Variants in CPXM2 observed in about 807,000 individuals in gnomAD.
The protein encoded by CPXM2 is carboxypeptidase X, M14 family member 2, also known as inactive carboxypeptidase-like protein X2.
A neutral mutation model predicts 86.1 loss-of-function variants in CPXM2; 66 were observed. That is an observed-to-expected ratio of 0.77 (90% CI 0.63 to 0.94). The LOEUF (loss-of-function observed/expected upper bound fraction) is 0.94. CPXM2 is among the 40% of genes least tolerant of loss of function. CPXM2 has a pLI of 0.00. For synonymous variants in CPXM2, 388 were observed against 400.2 expected (o/e 0.97, Z 0.36); for missense variants, 948 against 1,026.3 (o/e 0.92, Z 1.04).
chr10:123,754,564 GA>G lies in CPXM2; in HGVS notation c.2017+98del. The G allele has an allele frequency of 2.7e-6, 2 of 730,656 alleles. No homozygotes were observed. Among genetic ancestry groups the G allele is most frequent in the South Asian group, 3.2e-5 (2 of 61,582 alleles). 45.3% of individuals were successfully genotyped at this position (730,656 alleles called of 1,614,324 possible). A position where few individuals can be genotyped will look rare whatever the true frequency, so the allele number is the denominator to read the frequency against. On this transcript the variant is annotated intron_variant, in intron 13 of 13. Coordinates refer to ENST00000241305, the MANE Select transcript of CPXM2 (RefSeq NM_198148.3). The surrounding 1 kb of genome is among the most constrained non-coding windows in gnomAD (Gnocchi z 4.0). ...GAGACTGTAATTTGGCTCTGAGTAA[GA>G]CATTTCTGGCAGTCATTTCATGATT...
At chr10:123,944,005 C>A (rs993459511), upstream of CPXM2, among the ~76,000 whole-genome samples, 1 of 152,194 alleles carries the variant, frequency 6.6e-6, no homozygotes, top group African/African-American at 2.4e-5. Flanking sequence ...CTGCTTCCAG[C>A]CAGGATCATC....
chr10:123,784,275 G>C (rs902779284), intron 6 of CPXM2, among the ~76,000 whole-genome samples: 1 of 152,204 alleles, frequency 6.6e-6, no homozygotes, highest in African/African-American at 2.4e-5. Context: ...ACCACTGGCA[G>C]CTCTGAGAGA....
At chr10:123,771,249 G>A (rs778023185) in intron 7 of CPXM2, among the ~76,000 whole-genome samples, 12 of 151,906 alleles carry the variant, frequency 7.9e-5, no homozygotes, top group Admixed American at 3.9e-4. Context: ...TCCAGCACCC[G>A]CTCTATCATC....
At chr10:123,915,553 CAAAAA>C (rs553770766) in intron 2 of CPXM2, among the ~76,000 whole-genome samples, 2 of 129,244 alleles carry the variant, frequency 1.5e-5, no homozygotes, top group African/African-American at 5.4e-5. Flanking sequence ...GCGAGATTGT[CAAAAA>C]AAATAAAAAT....
intron 2 of CPXM2, among the ~76,000 whole-genome samples, chr10:123,866,291 C>T (rs1372242989): frequency 2.0e-5 from 3 of 152,142 alleles, no homozygotes; most frequent in East Asian, 1.9e-4. Flanking sequence ...GGACCGGGTG[C>T]GGTGGCTCAC....
chr10:123,771,894 T>C lies in CPXM2; in HGVS notation c.979-855A>G, dbSNP rs77269057. 1.9e-3 allele frequency among the ~76,000 whole-genome samples: 286 copies of C among 152,290 alleles called. 1 individual carries two copies. The highest frequency in any genetic ancestry group is 6.5e-3 in the African/African-American group (270 of 41,544). ...CCTGTGAAGAGGTGCCTTCCGCCAT[T>C]ATTATAAGTTTCCTGAGGCCTTATC... On this transcript the variant is annotated intron_variant, in intron 7 of 13. Coordinates refer to ENST00000241305, the MANE Select transcript of CPXM2 (RefSeq NM_198148.3).
At chr10:123,833,025 C>G (rs1420227690) in intron 4 of CPXM2, among the ~76,000 whole-genome samples, 2 of 152,152 alleles carry the variant, frequency 1.3e-5, no homozygotes, top group African/African-American at 4.8e-5. Flanking sequence ...GAGGAGCCCT[C>G]AAAAGACATG....
intron 11 of CPXM2, 80 bp from the exon 12 acceptor site, chr10:123,757,432 G>T: frequency 1.6e-6 from 2 of 1,228,354 alleles, no homozygotes; most frequent in Non-Finnish European, 2.4e-6. Flanking sequence ...GGGCAGCAAG[G>T]ATGTTTAAGA....
chr10:123,886,626 T>C (rs1945182018), intron 1 of CPXM2, among the ~76,000 whole-genome samples: 1 of 152,094 alleles, frequency 6.6e-6, no homozygotes, highest in Non-Finnish European at 1.5e-5. Context: ...CAGCGGTGCA[T>C]TCTCACCAGC....
chr10:123,934,389 T>C (rs1945696156), intron 2 of CPXM2, among the ~76,000 whole-genome samples: 1 of 151,796 alleles, frequency 6.6e-6, no homozygotes, highest in Non-Finnish European at 1.5e-5. Context: ...TCCCTTGCCT[T>C]TCCTTGGCTT....
chr10:123,869,896 G>A (rs1944863468), intron 2 of CPXM2, among the ~76,000 whole-genome samples: 1 of 152,138 alleles, frequency 6.6e-6, no homozygotes, highest in Admixed American at 6.5e-5. Context: ...AGAAATTCCA[G>A]GACACAGTCA....
At chr10:123,751,834 A>C in intron 13 of CPXM2, 16 of 985,336 alleles carry the variant, frequency 1.6e-5, no homozygotes, top group Non-Finnish European at 1.9e-5. Context: ...TTTATCTGTC[A>C]TGAGAATACA....
At position 123,868,394 on chromosome 10, in the gene CPXM2, G is replaced by A. The variant is rs554154302; in HGVS notation, c.404-5671C>T. Among the ~76,000 whole-genome samples, 14 of 152,260 alleles carry A rather than the reference G, an allele frequency of 9.2e-5. No individual in the cohort carries two copies. The South Asian group carries it at 1.0e-3, about 11-fold the overall frequency. On this transcript the variant is annotated intron_variant, in intron 2 of 13. Transcript: ENST00000241305. ...AGATCCACAGCATGAATGAACCGGC[G>A]TCCAGGAAACCTCCATGTCTTCAAA...
At chr10:123,886,812 G>C (rs999814681) in intron 1 of CPXM2, among the ~76,000 whole-genome samples, 10 of 152,204 alleles carry the variant, frequency 6.6e-5, no homozygotes, top group African/African-American at 2.4e-4. Context: ...TGCCAAGTGG[G>C]AGGAAAAGGA....
intron 4 of CPXM2, among the ~76,000 whole-genome samples, chr10:123,823,166 T>C (rs551980429): frequency 5.9e-5 from 9 of 152,246 alleles, no homozygotes; most frequent in Admixed American, 5.9e-4. Flanking sequence ...AGAAGATATG[T>C]ACCATCGAAA....
At chr10:123,942,097 G>A (rs1187428275), upstream of CPXM2, among the ~76,000 whole-genome samples, 2 of 152,238 alleles carry the variant, frequency 1.3e-5, no homozygotes, top group African/African-American at 4.8e-5. Flanking sequence ...AAAACTTAGA[G>A]TAATGCAAAT....
At chr10:123,793,019 T>C (rs1158871673) in intron 6 of CPXM2, among the ~76,000 whole-genome samples, 1 of 152,196 alleles carries the variant, frequency 6.6e-6, no homozygotes, top group Non-Finnish European at 1.5e-5. Context: ...ACATTTGTGT[T>C]ATTTTATTTG....
chr10:123,886,964 C>T (rs1289419234), intron 1 of CPXM2: 1 of 152,180 alleles, frequency 6.6e-6, no homozygotes, highest in Admixed American at 6.5e-5. Context: ...AATGTGGCCC[C>T]TTACCTTATT....
chr10:123,941,341 C>T (rs1301154147), upstream of CPXM2, among the ~76,000 whole-genome samples: 6 of 152,156 alleles, frequency 3.9e-5, no homozygotes, highest in Non-Finnish European at 1.5e-5. Flanking sequence ...TTGCCAGCTT[C>T]CCTGGTGTTT....
Sources: gnomAD v4.1 joint callset for allele counts (sites outside exome capture counted in the v4.1 genomes callset) on GRCh38, gnomAD v4.1.1 for gene constraint, Gnocchi (gnomAD v3.1) non-coding constraint, MANE v1.5 for transcripts, NCBI Gene and HGNC (gene_info 2026-07-23, HGNC 2026-07-21) for gene names.